ARHGEF3: variants seen among roughly 807,000 people sequenced by gnomAD.
ARHGEF3 encodes 59.8 kDA protein.
ARHGEF3 carries 28 observed loss-of-function variants against 63.2 expected under a neutral mutation model. The observed-to-expected ratio is 0.44, with a 90% confidence interval of 0.33 to 0.61. The LOEUF (loss-of-function observed/expected upper bound fraction) is 0.61, where lower values mean the gene tolerates loss of function less well. Among genes scored for constraint, ARHGEF3 ranks in the 20% least tolerant of loss-of-function variants. The pLI is 0.03. For missense variants in ARHGEF3, 533 were observed against 659.3 expected (o/e 0.81, Z 2.10); for synonymous variants, 266 against 254.2 (o/e 1.05, Z -0.44).
chr3:56,732,554 C>G, intron 8 of ARHGEF3, 130 bp from the exon 9 acceptor site: 2 of 1,091,052 alleles, frequency 1.8e-6, no homozygotes, highest in Non-Finnish European at 2.6e-6. Flanking sequence ...AGGTTCAAAT[C>G]TACCTCCAGG....
chr3:57,033,828 T>C (rs1281771851), intron 2 of ARHGEF3, among the ~76,000 whole-genome samples: 2 of 152,220 alleles, frequency 1.3e-5, no homozygotes, highest in East Asian at 1.9e-4. Context: ...GTAGATCACC[T>C]GAGGTCAAGA....
At chr3:56,842,664 T>C (rs1218598737) in intron 4 of ARHGEF3, among the ~76,000 whole-genome samples, 1 of 152,116 alleles carries the variant, frequency 6.6e-6, no homozygotes, top group Non-Finnish European at 1.5e-5. Context: ...TAAGACAAAA[T>C]GGTGAAGAGC....
At chr3:56,744,370 A>C (rs1042006305) in intron 7 of ARHGEF3, among the ~76,000 whole-genome samples, 3 of 149,630 alleles carry the variant, frequency 2.0e-5, no homozygotes, top group African/African-American at 7.4e-5. Flanking sequence ...TATATTTCCC[A>C]GATTACCCAG....
chr3:56,770,747 C>T (rs2035962351), intron 2 of ARHGEF3, among the ~76,000 whole-genome samples: 1 of 152,320 alleles, frequency 6.6e-6, no homozygotes, highest in Non-Finnish European at 1.5e-5. Context: ...TATCTATGTA[C>T]ATTACCATTG....
intron 2 of ARHGEF3, among the ~76,000 whole-genome samples, chr3:56,971,818 A>C (rs532074741): frequency 1.3e-4 from 19 of 151,998 alleles, no homozygotes; most frequent in African/African-American, 4.6e-4. Context: ...GGTGCCACTG[A>C]ACTCCAGCCT....
intron 4 of ARHGEF3, among the ~76,000 whole-genome samples, chr3:56,846,374 A>G (rs1025813184): frequency 3.9e-5 from 6 of 152,188 alleles, no homozygotes; most frequent in Non-Finnish European, 4.4e-5. Flanking sequence ...AGAGGTGTAG[A>G]TCCTGAAAGT....
At chr3:56,782,575 T>C (rs1231518026) in intron 1 of ARHGEF3, among the ~76,000 whole-genome samples, 2 of 152,096 alleles carry the variant, frequency 1.3e-5, no homozygotes, top group Non-Finnish European at 2.9e-5. Flanking sequence ...TGATTTCCTT[T>C]TTGATAAAAT....
chr3:57,046,355 C>T (rs368933805), intron 1 of ARHGEF3, among the ~76,000 whole-genome samples: 37 of 152,318 alleles, frequency 2.4e-4, no homozygotes, highest in South Asian at 6.2e-4. Context: ...ACCTCCCAAA[C>T]TTCCAATATC....
chr3:56,776,957 TGTATAGACA>T (rs2036314621), intron 1 of ARHGEF3, among the ~76,000 whole-genome samples: 3 of 152,360 alleles, frequency 2.0e-5, no homozygotes, highest in Admixed American at 2.0e-4. Flanking sequence ...CTGAGCATTC[TGTATAGACA>T]GTATTTTGTG....
At chr3:57,004,404 G>T (rs950521190) in intron 2 of ARHGEF3, among the ~76,000 whole-genome samples, 2 of 152,148 alleles carry the variant, frequency 1.3e-5, no homozygotes, top group Non-Finnish European at 1.5e-5. Context: ...TCAGTGGCTC[G>T]TCTGCATTTA....
intron 4 of ARHGEF3, among the ~76,000 whole-genome samples, chr3:56,862,012 G>A (rs143250240): frequency 2.8e-4 from 42 of 152,028 alleles, no homozygotes; most frequent in African/African-American, 1.0e-3. Context: ...AAAATAATGG[G>A]GTTATCTCTG....
chr3:56,968,169 A>ATT (rs1491541367), intron 2 of ARHGEF3, among the ~76,000 whole-genome samples: 2 of 28,352 alleles, frequency 7.1e-5, no homozygotes, highest in Admixed American at 8.4e-4. Flanking sequence ...TATATTATAT[A>ATT]ATATATATAA....
intron 2 of ARHGEF3, among the ~76,000 whole-genome samples, chr3:56,994,309 T>C (rs1008880612): frequency 6.6e-6 from 1 of 152,062 alleles, no homozygotes; most frequent in Non-Finnish European, 1.5e-5. Flanking sequence ...GAAGCTCTAG[T>C]ACTAAAAGGC....
chr3:56,865,436 A>G (rs924029759), intron 4 of ARHGEF3, among the ~76,000 whole-genome samples: 9 of 152,256 alleles, frequency 5.9e-5, no homozygotes, highest in Non-Finnish European at 1.3e-4. Flanking sequence ...AGGCAAAACC[A>G]CATGAAATAT....
intron 1 of ARHGEF3, among the ~76,000 whole-genome samples, chr3:57,078,233 T>C (rs1706302869): frequency 6.6e-6 from 1 of 152,080 alleles, no homozygotes; most frequent in South Asian, 2.1e-4. Flanking sequence ...AAGCTCCCCT[T>C]CTCCACACCC....
intron 3 of ARHGEF3, chr3:56,940,845 C>A (rs1437859073): frequency 1.3e-5 from 2 of 152,194 alleles, no homozygotes; most frequent in Non-Finnish European, 1.5e-5. Flanking sequence ...ATTACTAAGT[C>A]TCTGGTTTTC....
At chr3:56,750,824 A>G (rs1011648620) in intron 6 of ARHGEF3, among the ~76,000 whole-genome samples, 1 of 151,924 alleles carries the variant, frequency 6.6e-6, no homozygotes, top group African/African-American at 2.4e-5. Context: ...TTTGTTCCAA[A>G]AGGCCCTGTT....
intron 2 of ARHGEF3, among the ~76,000 whole-genome samples, chr3:56,967,251 G>A (rs1489241883): frequency 9.8e-6 from 1 of 102,432 alleles, no homozygotes; most frequent in Non-Finnish European, 2.1e-5. Context: ...TATATATATA[G>A]TATATACATA....
At chr3:56,787,394 G>C (rs1338721575) in intron 1 of ARHGEF3, among the ~76,000 whole-genome samples, 1 of 152,102 alleles carries the variant, frequency 6.6e-6, no homozygotes. Context: ...CAATTTTCTA[G>C]AAACAGAGCA....
Sources: allele counts gnomAD v4.1 joint callset (sites outside exome capture counted in the v4.1 genomes callset), GRCh38; gene constraint gnomAD v4.1.1; transcripts MANE v1.5; gene names NCBI Gene and HGNC (gene_info 2026-07-23, HGNC 2026-07-21).